HEATR1: variants seen among roughly 807,000 people sequenced by gnomAD.
HEATR1 encodes the protein HEAT repeat-containing protein 1.
Under a neutral mutation model 248.2 loss-of-function variants are expected in HEATR1, and 77 were observed. That is an observed-to-expected ratio of 0.31 (90% CI 0.26 to 0.37). The LOEUF is 0.37. HEATR1 is among the 10% of genes least tolerant of loss of function. HEATR1 has a pLI of 1.00. For synonymous variants in HEATR1, 897 were observed against 923.1 expected, an observed-to-expected ratio of 0.97 and a Z score of 0.51; for missense variants, 2,420 against 2,504.9, an observed-to-expected ratio of 0.97 and a Z score of 0.72.
In HEATR1 at chr1:236,595,847, C is replaced by T. The variant is rs779883088; in HGVS notation, c.942G>A (p.Glu314=). The stretch of plus-strand genomic sequence containing the variant: ...ATTGTACATACTTTTTCCCAAGGCT[C>T]TCTGGCTTCTGTCTCTGCAGGAGCA... ...LIVLLQRQKP[E]SLGKKPFPHL... is the part of the protein sequence containing the mutation. Residue 314 remains glutamate, a synonymous_variant, in exon 7 of 45, where the codon GAG becomes GAA. Transcript: ENST00000366582. The T allele has an allele frequency of 1.2e-6, 2 of 1,613,296 alleles. No homozygotes were observed. The highest frequency in any genetic ancestry group is 1.3e-5 in the African/African-American group (1 of 75,032).
intron 20 of HEATR1, among the ~76,000 whole-genome samples, chr1:236,577,355 T>C: frequency 6.6e-6 from 1 of 152,220 alleles, no homozygotes; most frequent in Non-Finnish European, 1.5e-5. Context: ...TTCACCATGT[T>C]GGCCAGGCTG....
At chr1:236,596,725 C>T in intron 6 of HEATR1, 111 bp downstream of exon 6, 1 of 1,028,428 alleles carries the variant, frequency 9.7e-7, no homozygotes, top group Non-Finnish European at 1.4e-6. Flanking sequence ...TCTCAGCTAT[C>T]ATCTGAAATA....
chr1:236,588,711 G>A (rs1286386882), intron 12 of HEATR1, among the ~76,000 whole-genome samples: 1 of 152,178 alleles, frequency 6.6e-6, no homozygotes, highest in Non-Finnish European at 1.5e-5. Context: ...AACTAGGACT[G>A]CTAATCAACC....
In HEATR1 at chr1:236,599,886, G is replaced by T. The variant is rs1333181743; in HGVS notation, c.360-262C>A. 3.3e-5 allele frequency among the ~76,000 whole-genome samples: 5 copies of T among 151,950 alleles called. No individual in the cohort carries two copies. In the South Asian group the frequency reaches 1.0e-3, roughly 32 times the overall value. On this transcript the variant is annotated intron_variant, in intron 3 of 44. Coordinates refer to ENST00000366582, the MANE Select transcript of HEATR1 (RefSeq NM_018072.6). ...TATACATCCCATTAACTTTCTCTCA[G>T]CTTTACAATTTTTATTTAATTTTTT...
At chr1:236,551,127 A>C (rs1211039778) in intron 44 of HEATR1, 137 bp from the exon 45 acceptor site, 1 of 688,736 alleles carries the variant, frequency 1.5e-6, no homozygotes, top group East Asian at 2.8e-5. Flanking sequence ...ACATTAACAA[A>C]GCAGGAGGCG....
chr1:236,575,013 A>G (rs1321610127), intron 22 of HEATR1, 110 bp from the exon 23 acceptor site: 1 of 1,024,298 alleles, frequency 9.8e-7, no homozygotes, highest in East Asian at 2.6e-5. Flanking sequence ...GCCTGGAGGA[A>G]AAAACCCAAT....
rs951440620 is a variant in HEATR1, at chr1:236,603,250, A to C, written c.269T>G (p.Leu90Trp). The change falls in exon 3 of 45, where the codon TTG becomes TGG. Residue 90 changes from leucine to tryptophan, a missense_variant. Transcript: ENST00000366582. ...SVQTKAVNKQ[L>W]DENISLFLIH... ...AAGGAATAATGAAATGTTTTCATCC[A>C]ACTGTTTGTTTACTGCTTTGGTCTG... 1.2e-6 allele frequency: 2 copies of C among 1,614,170 alleles called. No homozygotes were observed. Among genetic ancestry groups the C allele is most frequent in the African/African-American group, 2.7e-5 (2 of 75,054 alleles).
At position 236,596,948 on chromosome 1, in the gene HEATR1, G is replaced by A; in HGVS notation, c.632C>T (p.Ala211Val). ...GAAAGCCAAGAGCACCCTCAACTGA[G>A]CTGAGCTGCCCGGGTACTCAGCAAA... ...KVFAEYPGSSAQLRVLLAFYA... is the reference protein window; with the variant it reads ...KVFAEYPGSSVQLRVLLAFYA... Residue 211 changes from alanine to valine, a missense_variant, in exon 6 of 45, where the codon GCT becomes GTT. Physicochemically the swap from Ala to Val is moderately conservative, Grantham distance 64. Coordinates refer to ENST00000366582, the MANE Select transcript of HEATR1 (RefSeq NM_018072.6). The A allele has an allele frequency of 6.2e-7, 1 of 1,613,864 alleles. No homozygotes were observed. Among genetic ancestry groups the A allele is most frequent in the Non-Finnish European group, 8.5e-7 (1 of 1,179,944 alleles).
At chr1:236,601,989 A>C (rs1484582291) in intron 3 of HEATR1, among the ~76,000 whole-genome samples, 3 of 151,192 alleles carry the variant, frequency 2.0e-5, no homozygotes, top group African/African-American at 7.3e-5. Flanking sequence ...AATACAAAAA[A>C]TTAACTGGGC....
rs1188622783 is a variant in HEATR1, at chr1:236,549,474, G to T, written c.*1428C>A. 2 of 152,974 alleles carry T rather than the reference G, an allele frequency of 1.3e-5. No homozygotes were observed. The highest frequency in any genetic ancestry group is 4.8e-5 in the African/African-American group (2 of 41,498). 9.5% of individuals were successfully genotyped at this position (152,974 alleles called of 1,614,324 possible). On this transcript the variant is annotated 3_prime_UTR_variant, in exon 45 of 45. Coordinates refer to ENST00000366582, the MANE Select transcript of HEATR1 (RefSeq NM_018072.6). The stretch of plus-strand genomic sequence containing the variant: ...AGGATTTAGGAATATTTTCAGAACA[G>T]ATTTTAGATATTATTTCTATCCATA...
rs1663002587 is a variant in HEATR1 at position 236,557,241 on chromosome 1, G to A, written c.5309C>T (p.Thr1770Ile). Residue 1770 changes from threonine (T) to isoleucine (I), a missense_variant, in exon 37 of 45, where the codon ACT (threonine) becomes ATT (isoleucine). Physicochemically the swap from Thr to Ile is moderately conservative, Grantham distance 89 (BLOSUM62 -1). Transcript: ENST00000366582. ...ALAALQKVVETLPHFISPYLE... is the reference protein window; with the variant it reads ...ALAALQKVVEILPHFISPYLE... ...ATAGGGGCTGATGAAGTGCGGGAGA[G>A]TCTCCACAACCTTCTGCAGAGCAGC... The A allele has an allele frequency of 6.2e-7, 1 of 1,614,072 alleles. No homozygotes were observed. Among genetic ancestry groups the A allele is most frequent in the African/African-American group, 1.3e-5 (1 of 74,934 alleles).
chr1:236,595,699 G>A (rs573531517), intron 7 of HEATR1, 26 bp from the exon 8 acceptor site: 78 of 1,598,688 alleles, frequency 4.9e-5, no homozygotes, highest in South Asian at 2.3e-4. Flanking sequence ...AGTACATATC[G>A]TGTTGACTTT....
intron 20 of HEATR1, among the ~76,000 whole-genome samples, chr1:236,579,876 C>T (rs679458): frequency 0.098 from 14,896 of 151,426 alleles, 832 homozygotes; most frequent in Middle Eastern, 0.13. Flanking sequence ...GAAAAGTATA[C>T]GATCATCTAA....
At chr1:236,600,683 A>G (rs1163272837) in intron 3 of HEATR1, among the ~76,000 whole-genome samples, 2 of 151,920 alleles carry the variant, frequency 1.3e-5, no homozygotes, top group African/African-American at 4.8e-5. Flanking sequence ...GGTGCACAGC[A>G]CCACACCCAG....
At chr1:236,585,254 G>C (rs377087638) in intron 16 of HEATR1, 38 bp from the exon 17 acceptor site, 1 of 1,541,204 alleles carries the variant, frequency 6.5e-7, no homozygotes, top group Non-Finnish European at 8.8e-7. Context: ...AGTTGCTCTT[G>C]ATTTTCATAA....
At chr1:236,589,125 C>T (rs1048770247) in intron 12 of HEATR1, among the ~76,000 whole-genome samples, 3 of 151,874 alleles carry the variant, frequency 2.0e-5, no homozygotes, top group Admixed American at 1.3e-4. Flanking sequence ...GGCCCTTCAC[C>T]GAAAAACGAA....
intron 3 of HEATR1, among the ~76,000 whole-genome samples, chr1:236,600,935 T>A (rs1369138386): frequency 6.6e-6 from 1 of 152,226 alleles, no homozygotes; most frequent in Non-Finnish European, 1.5e-5. Flanking sequence ...TAATCCTTTA[T>A]TATGGCATTT....
At chr1:236,559,339 G>A (rs1572033525) in intron 34 of HEATR1, among the ~76,000 whole-genome samples, 1 of 152,320 alleles carries the variant, frequency 6.6e-6, no homozygotes, top group African/African-American at 2.4e-5. Context: ...CTGATGTCAG[G>A]AGGAAGTGCC....
rs1245581812 is a variant in HEATR1, at chr1:236,585,063, T to C, written c.2203A>G (p.Lys735Glu). 1.2e-6 allele frequency: 2 copies of C among 1,613,418 alleles called. No homozygotes were observed. Among genetic ancestry groups the C allele is most frequent in the Admixed American group, 3.3e-5 (2 of 59,848 alleles). Reference protein sequence around the residue: ...FAIRVFSLLQKKIKKLESVIT... With the variant: ...FAIRVFSLLQEKIKKLESVIT... ...ACACTTTCAAGCTTCTTTATTTTTT[T>C]CTGCAACAAACTGAAGACTCTTATC... is the stretch of plus-strand genomic sequence containing the variant. Residue 735 changes from lysine to glutamate, a missense_variant, in exon 17 of 45, where the codon AAA becomes GAA. Coordinates refer to ENST00000366582, the MANE Select transcript of HEATR1 (RefSeq NM_018072.6).
Sources: allele counts gnomAD v4.1 joint callset (sites outside exome capture counted in the v4.1 genomes callset), GRCh38; gene constraint gnomAD v4.1.1; transcripts MANE v1.5; gene names NCBI Gene and HGNC (gene_info 2026-07-23, HGNC 2026-07-21).